The following NRXN1 variants were observed in gnomAD, a reference collection of about 807,000 sequenced individuals.
The protein encoded by NRXN1 is neurexin 1, also known as neurexin-1.
Under a neutral mutation model 150.9 loss-of-function variants are expected in NRXN1, and 39 were observed. The observed-to-expected ratio is 0.26, with a 90% confidence interval of 0.20 to 0.34. The LOEUF is 0.34. NRXN1 is among the 10% of genes least tolerant of loss of function. The pLI, the probability that NRXN1 is intolerant of heterozygous loss-of-function variation, is 1.00. For synonymous variants in NRXN1, 924 were observed against 757.0 expected, an observed-to-expected ratio of 1.22 and a Z score of -3.62; for missense variants, 1,815 against 1,949.9, an observed-to-expected ratio of 0.93 and a Z score of 1.30.
At chr2:50,932,292 G>A (rs918008765) in intron 2 of NRXN1, among the ~76,000 whole-genome samples, 5 of 151,888 alleles carry the variant, frequency 3.3e-5, no homozygotes, top group Non-Finnish European at 4.4e-5. Context: ...GGAGGCTGAG[G>A]AAGGAGAATC....
chr2:50,623,760 T>C lies in NRXN1; in HGVS notation c.833-145A>G, dbSNP rs993631847. The C allele has an allele frequency of 6.4e-6, 4 of 626,486 alleles. No individual in the cohort carries two copies. The African/African-American group carries it at 7.4e-5, about 12-fold the overall frequency. 38.8% of individuals were successfully genotyped at this position (626,486 alleles called of 1,614,324 possible). A position where few individuals can be genotyped will look rare whatever the true frequency, so the allele number is the denominator to read the frequency against. On this transcript the variant is annotated intron_variant, in intron 5 of 22. Coordinates refer to ENST00000401669, the MANE Select transcript of NRXN1 (RefSeq NM_001330078.2). ...CATGAACTCTGTCTCAGTCAAACAG[T>C]ACTGTACAGGGCAGTATTTTTTAAA... is the stretch of plus-strand genomic sequence containing the variant.
At chr2:50,635,355 C>G (rs1414654974) in intron 5 of NRXN1, among the ~76,000 whole-genome samples, 2 of 149,062 alleles carry the variant, frequency 1.3e-5, no homozygotes, top group South Asian at 4.3e-4. Context: ...TTAGTAGAGA[C>G]GGGGTTTCAC....
chr2:51,028,016 G>C lies in NRXN1; in HGVS notation c.258C>G (p.Gly86=). ...CDFLELILTR[G]GRLQLSFSIF... is the part of the protein sequence containing the mutation. ...TGGAGAAGCTGAGCTGCAGGCGGCC[G>C]CCGCGCGTCAGAATCAGCTCCAGGA... Residue 86 remains glycine (G), a synonymous_variant, in exon 2 of 23, where the codon GGC becomes GGG. Transcript: ENST00000401669. 1 of 1,599,300 alleles carries C rather than the reference G, an allele frequency of 6.3e-7. No individual in the cohort carries two copies. Among genetic ancestry groups the C allele is most frequent in the Non-Finnish European group, 8.5e-7 (1 of 1,177,682 alleles).
chr2:50,547,702 C>T (rs941817815), intron 9 of NRXN1, among the ~76,000 whole-genome samples: 2 of 152,174 alleles, frequency 1.3e-5, no homozygotes, highest in Admixed American at 6.5e-5. Flanking sequence ...TTTTGCAGCA[C>T]TGAAGTCATC....
intron 5 of NRXN1, among the ~76,000 whole-genome samples, chr2:50,658,087 A>G (rs936768103): frequency 5.3e-5 from 8 of 152,004 alleles, no homozygotes; most frequent in African/African-American, 1.9e-4. Flanking sequence ...CAGATCTTAG[A>G]CTTTCCATTA....
intron 18 of NRXN1, among the ~76,000 whole-genome samples, chr2:50,190,495 TA>T (rs1288479425): frequency 6.6e-6 from 1 of 152,184 alleles, no homozygotes; most frequent in Non-Finnish European, 1.5e-5. Flanking sequence ...ACTAAGGCTT[TA>T]TTTGATAGCT....
chr2:50,153,612 C>A (rs1442284836), intron 18 of NRXN1, among the ~76,000 whole-genome samples: 1 of 151,630 alleles, frequency 6.6e-6, no homozygotes, highest in African/African-American at 2.4e-5. Flanking sequence ...ATGCCTTTCC[C>A]TGAGTATGCA....
intron 5 of NRXN1, among the ~76,000 whole-genome samples, chr2:50,775,400 G>C (rs997129872): frequency 6.6e-6 from 1 of 151,958 alleles, no homozygotes; most frequent in East Asian, 1.9e-4. Context: ...TGTGTTTCTG[G>C]ACTCACTGAT....
At chr2:50,845,494 G>A (rs1355743620) in intron 5 of NRXN1, among the ~76,000 whole-genome samples, 1 of 152,124 alleles carries the variant, frequency 6.6e-6, no homozygotes, top group Non-Finnish European at 1.5e-5. Flanking sequence ...CTATTGAAAC[G>A]TAATGACTTA....
At chr2:50,466,269 A>G (rs532870808) in intron 16 of NRXN1, among the ~76,000 whole-genome samples, 2 of 151,966 alleles carry the variant, frequency 1.3e-5, no homozygotes, top group East Asian at 3.9e-4. Flanking sequence ...CTATACAAAC[A>G]TATTCAAGAC....
chr2:49,925,590 A>C (rs938119480), intron 22 of NRXN1, among the ~76,000 whole-genome samples: 3 of 152,164 alleles, frequency 2.0e-5, no homozygotes, highest in Admixed American at 6.5e-5. Context: ...AAAAAAAGAG[A>C]AACATAATTA....
chr2:50,637,735 GA>G (rs1435129354), intron 5 of NRXN1, among the ~76,000 whole-genome samples: 1 of 152,180 alleles, frequency 6.6e-6, no homozygotes, highest in Non-Finnish European at 1.5e-5. Flanking sequence ...CCAATTCCCA[GA>G]TCAGTCTTTG....
At chr2:50,039,782 A>G (rs1057478287) in intron 21 of NRXN1, among the ~76,000 whole-genome samples, 8 of 152,314 alleles carry the variant, frequency 5.3e-5, no homozygotes, top group Admixed American at 2.0e-4. Flanking sequence ...ACAAGAAAAA[A>G]TAAGTATGTT....
intron 5 of NRXN1, among the ~76,000 whole-genome samples, chr2:50,819,739 G>A (rs1052904634): frequency 1.2e-4 from 18 of 151,672 alleles, no homozygotes; most frequent in Admixed American, 2.6e-4. Flanking sequence ...GTGATTTTTA[G>A]AGCAGTGATT....
chr2:49,981,487 T>C (rs1679976850), intron 21 of NRXN1, among the ~76,000 whole-genome samples: 1 of 152,044 alleles, frequency 6.6e-6, no homozygotes, highest in African/African-American at 2.4e-5. Flanking sequence ...CGAGAAACTT[T>C]TGGCTTGTCA....
At chr2:50,778,587 T>A (rs1703958019) in intron 5 of NRXN1, among the ~76,000 whole-genome samples, 1 of 152,142 alleles carries the variant, frequency 6.6e-6, no homozygotes, top group Non-Finnish European at 1.5e-5. Context: ...AAAGGTTTAA[T>A]GAAAGAGACA....
intron 17 of NRXN1, among the ~76,000 whole-genome samples, chr2:50,350,955 G>A (rs997338137): frequency 2.6e-5 from 4 of 152,084 alleles, no homozygotes; most frequent in African/African-American, 9.7e-5. Context: ...GCTGTGATAC[G>A]GATACAGCAA....
chr2:51,017,104 G>C (rs1009849947), intron 2 of NRXN1, among the ~76,000 whole-genome samples: 1 of 151,864 alleles, frequency 6.6e-6, no homozygotes. Flanking sequence ...GGGCCTGTCA[G>C]GGGGTGGGGG....
intron 17 of NRXN1, among the ~76,000 whole-genome samples, chr2:50,434,629 T>A (rs1444094644): frequency 6.6e-6 from 1 of 152,164 alleles, no homozygotes; most frequent in East Asian, 1.9e-4. Context: ...AAGAGTCTAT[T>A]CTTATCTGTG....
Sources: gnomAD v4.1 joint callset for allele counts (sites outside exome capture counted in the v4.1 genomes callset) on GRCh38, gnomAD v4.1.1 for gene constraint, MANE v1.5 for transcripts, NCBI Gene and HGNC (gene_info 2026-07-23, HGNC 2026-07-21) for gene names.